POLR1A: variants seen among roughly 807,000 people sequenced by gnomAD.
POLR1A encodes the protein RNA polymerase I subunit A.
In POLR1A, 84 loss-of-function variants were observed where a neutral mutation model predicts 205.3. The observed-to-expected ratio is 0.41, with a 90% CI of 0.34 to 0.49. The LOEUF (loss-of-function observed/expected upper bound fraction) is 0.49, where lower values mean the gene tolerates loss of function less well. POLR1A is among the 20% of genes least tolerant of loss of function. The probability of loss-of-function intolerance (pLI) is 0.22; values close to 1 mark genes in which losing one functional copy is unlikely to be tolerated. For missense variants in POLR1A, 1,645 were observed against 2,204.5 expected (o/e 0.75, Z 5.08); for synonymous variants, 799 against 863.7 (o/e 0.93, Z 1.31).
At chr2:86,029,597 TTC>T (rs1279902475) in intron 31 of POLR1A, among the ~76,000 whole-genome samples, 5 of 83,370 alleles carry the variant, frequency 6.0e-5, no homozygotes, top group Non-Finnish European at 9.9e-5. Flanking sequence ...CTTAATTTCT[TTC>T]TTTTTTTTTT....
Position 86,040,538 on chromosome 2 carries a change from C to T in POLR1A, c.3594G>A (p.Leu1198=). The change falls in exon 25 of 34, where the codon CTG becomes CTA. Residue 1198 remains leucine (L), a synonymous_variant. Transcript: ENST00000263857. ...GCTCACACAGTGAGCGCTGCCACTT[C>T]AGCTGCAGCAAGGTCCTCAACCTAG... ...SLDRLRTLLQ[L]KWQRSLCEPG... is the part of the protein sequence containing the mutation. 6.3e-7 allele frequency: 1 copy of T among 1,590,282 alleles called. No individual in the cohort carries two copies. The highest frequency in any genetic ancestry group is 8.6e-7 in the Non-Finnish European group (1 of 1,167,590).
chr2:86,028,684 T>C lies in POLR1A; in HGVS notation c.4807A>G (p.Asn1603Asp). The C allele has an allele frequency of 6.2e-7, 1 of 1,614,142 alleles. No homozygotes were observed. Among genetic ancestry groups the C allele is most frequent in the Non-Finnish European group, 8.5e-7 (1 of 1,179,984 alleles). Residue 1603 changes from asparagine to aspartate, a missense_variant, in exon 32 of 34, where the codon AAC (asparagine) becomes GAC (aspartate). Transcript: ENST00000263857. This position sits in a 1 kb window ranked among gnomAD's most constrained non-coding sequence, Gnocchi z 4.5. The part of the protein sequence containing the change: ...EVLDLRRLYS[N>D]DIHAIANTYG... ...GTGTTGGCTATGGCGTGGATGTCGT[T>C]GGAGTAGAGGCGGCGCAGATCCAGG...
Position 86,080,990 on chromosome 2 carries a change from C to A in POLR1A, c.924-12G>T. 6.2e-7 allele frequency: 1 copy of A among 1,603,280 alleles called. No individual in the cohort carries two copies. Among genetic ancestry groups the A allele is most frequent in the Non-Finnish European group, 8.5e-7 (1 of 1,174,228 alleles). On this transcript the variant is annotated splice_polypyrimidine_tract_variant and intron_variant, in intron 8 of 33. Coordinates refer to ENST00000263857, the MANE Select transcript of POLR1A (RefSeq NM_015425.6). The stretch of plus-strand genomic sequence containing the variant: ...TGACTGGGCGATACCTGCAGGGGGA[C>A]ATACGGAATAAATGAATGTTTAGTG...
intron 14 of POLR1A, among the ~76,000 whole-genome samples, chr2:86,056,061 G>A (rs1672890901): frequency 6.6e-6 from 1 of 152,032 alleles, no homozygotes; most frequent in African/African-American, 2.4e-5. Context: ...ATTAGAGCTT[G>A]TAAATGACTT....
At chr2:86,091,433 T>A (rs1387231821) in intron 3 of POLR1A, among the ~76,000 whole-genome samples, 1 of 151,974 alleles carries the variant, frequency 6.6e-6, no homozygotes, top group East Asian at 1.9e-4. Context: ...AACAAAGAAT[T>A]TTTAAAGGTC....
chr2:86,075,995 A>G (rs1333652523), intron 11 of POLR1A, among the ~76,000 whole-genome samples: 1 of 152,200 alleles, frequency 6.6e-6, no homozygotes, highest in East Asian at 1.9e-4. Flanking sequence ...CAGACATGGC[A>G]TCGGAATATC....
chr2:86,032,614 G>A (rs551152764), intron 28 of POLR1A, among the ~76,000 whole-genome samples: 1 of 151,802 alleles, frequency 6.6e-6, no homozygotes, highest in African/African-American at 2.4e-5. Flanking sequence ...ATCTTTACAT[G>A]CACCACTTAC....
chr2:86,027,385 G>T lies in POLR1A; in HGVS notation c.*38C>A. The T allele has an allele frequency of 6.5e-7, 1 of 1,540,926 alleles. No individual in the cohort carries two copies. The highest frequency in any genetic ancestry group is 9.0e-7 in the Non-Finnish European group (1 of 1,113,308). ...GCAGGCTGGGCCACGCCCTCACCAA[G>T]GGTCCTTGGAGCTGGGCAGATGGTG... On this transcript the variant is annotated 3_prime_UTR_variant, in exon 34 of 34. Coordinates refer to ENST00000263857, the MANE Select transcript of POLR1A (RefSeq NM_015425.6).
chr2:86,040,127 G>A, intron 25 of POLR1A: 1 of 351,932 alleles, frequency 2.8e-6, no homozygotes, highest in Non-Finnish European at 5.1e-6. Context: ...CCCCAGCAGT[G>A]TGCAGTCTCA....
At chr2:86,098,990 G>A (rs1673760357) in intron 2 of POLR1A, among the ~76,000 whole-genome samples, 1 of 151,624 alleles carries the variant, frequency 6.6e-6, no homozygotes. Context: ...ATTTACTTTG[G>A]GCGTACAACC....
chr2:86,034,552 T>A (rs897328337), intron 27 of POLR1A, among the ~76,000 whole-genome samples: 2 of 152,116 alleles, frequency 1.3e-5, no homozygotes, highest in African/African-American at 4.8e-5. Context: ...ATCCACCCTG[T>A]CCCCTCCATA....
chr2:86,039,341 C>G lies in POLR1A; in HGVS notation c.3862G>C (p.Val1288Leu), dbSNP rs758656592. ...VKSLKKQLTRVCLGEVLQKID... is the reference protein window; with the variant it reads ...VKSLKKQLTRLCLGEVLQKID... Reference sequence around the variant, plus strand: ...AGAGACGTTACCTCCCCCAAGCACACCCTGGTGAGTTGCTTCTTCAGGCTT... The same window carrying G: ...AGAGACGTTACCTCCCCCAAGCACAGCCTGGTGAGTTGCTTCTTCAGGCTT... The change falls in exon 26 of 34, where the codon GTG (valine) becomes CTG (leucine). Residue 1288 changes from valine (V) to leucine (L), a missense_variant. Around this residue, in one of 16 missense-constraint regions of POLR1A, gnomAD observed 394 missense variants for 468.5 expected, o/e 0.84. Transcript: ENST00000263857. 3.7e-6 allele frequency: 6 copies of G among 1,613,988 alleles called. No homozygotes were observed. Among genetic ancestry groups the G allele is most frequent in the Non-Finnish European group, 2.5e-6 (3 of 1,180,048 alleles).
chr2:86,031,247 G>T (rs906619662), intron 30 of POLR1A, 83 bp downstream of exon 30: 4 of 1,492,388 alleles, frequency 2.7e-6, no homozygotes, highest in Non-Finnish European at 2.7e-6. Flanking sequence ...AGCTGTGCAG[G>T]GGAGCTCAGC....
intron 14 of POLR1A, among the ~76,000 whole-genome samples, chr2:86,060,556 T>A (rs1672975723): frequency 6.6e-6 from 1 of 152,210 alleles, no homozygotes; most frequent in African/African-American, 2.4e-5. Flanking sequence ...ACTTGGTTTG[T>A]GACACAGGAG....
intron 16 of POLR1A, among the ~76,000 whole-genome samples, chr2:86,051,078 A>G (rs1672793337): frequency 6.6e-6 from 1 of 152,264 alleles, no homozygotes. Flanking sequence ...ATGTTTAATT[A>G]TAGGAACTGG....
At chr2:86,066,007 G>C (rs1673077516) in intron 13 of POLR1A, among the ~76,000 whole-genome samples, 1 of 152,206 alleles carries the variant, frequency 6.6e-6, no homozygotes, top group Non-Finnish European at 1.5e-5. Flanking sequence ...AGAAGAACTA[G>C]ACAGTAAACA....
chr2:86,045,830 T>A, intron 19 of POLR1A, 61 bp from the exon 20 acceptor site: 1 of 1,450,886 alleles, frequency 6.9e-7, no homozygotes, highest in Non-Finnish European at 9.4e-7. Flanking sequence ...CAGTGCTTTG[T>A]CCCAGCAGGG....
intron 29 of POLR1A, 82 bp downstream of exon 29, chr2:86,032,190 G>A (rs1672410523): frequency 3.2e-6 from 3 of 944,216 alleles, no homozygotes; most frequent in Non-Finnish European, 5.2e-6. Flanking sequence ...GGTGTGGCCT[G>A]GGTGCCGGGA....
At chr2:86,064,795 C>T (rs1044829904) in intron 14 of POLR1A, among the ~76,000 whole-genome samples, 1 of 151,366 alleles carries the variant, frequency 6.6e-6, no homozygotes, top group Non-Finnish European at 1.5e-5. Flanking sequence ...CACTCTGTTG[C>T]CCAGGCAGGA....
Sources: gnomAD v4.1 joint callset for allele counts (sites outside exome capture counted in the v4.1 genomes callset) on GRCh38, gnomAD v4.1.1 for gene constraint, gnomAD v4.1.1 regional missense constraint, Gnocchi (gnomAD v3.1) non-coding constraint, MANE v1.5 for transcripts, NCBI Gene and HGNC (gene_info 2026-07-23, HGNC 2026-07-21) for gene names.